IL1RAPL2: variants seen among roughly 807,000 people sequenced by gnomAD.
IL1RAPL2 encodes interleukin 1 receptor accessory protein like 2, also known as X-linked interleukin-1 receptor accessory protein-like 2.
IL1RAPL2 carries 3 observed loss-of-function variants against 44.1 expected under a neutral mutation model. The ratio of observed to expected loss-of-function variants is 0.07; its 90% confidence interval spans 0.03 to 0.18. The LOEUF (loss-of-function observed/expected upper bound fraction) is 0.18. IL1RAPL2 is among the 10% of genes least tolerant of loss of function. The pLI, the probability that IL1RAPL2 is intolerant of heterozygous loss-of-function variation, is 1.00. For missense variants in IL1RAPL2, 391 were observed against 496.4 expected, an observed-to-expected ratio of 0.79 and a Z score of 2.02; for synonymous variants, 181 against 178.8, an observed-to-expected ratio of 1.01 and a Z score of -0.10.
intron 2 of IL1RAPL2, among the ~76,000 whole-genome samples, chrX:105,190,921 A>G (rs782048329): frequency 8.9e-5 from 10 of 112,324 alleles, no homozygotes; most frequent in Admixed American, 9.4e-5. Context: ...AGGCTTATCT[A>G]TAAAGAGGCC....
chrX:105,010,131 GTAAA>G (rs750569126), intron 2 of IL1RAPL2, among the ~76,000 whole-genome samples: 6 of 111,186 alleles, frequency 5.4e-5, no homozygotes, highest in Non-Finnish European at 7.6e-5. Flanking sequence ...GGGCTCAAGA[GTAAA>G]TAAACAATTG....
intron 2 of IL1RAPL2, among the ~76,000 whole-genome samples, chrX:104,961,070 TAAAA>T (rs892993308): frequency 9.1e-6 from 1 of 110,238 alleles, no homozygotes; most frequent in African/African-American, 3.3e-5. Flanking sequence ...AGTAACAGAT[TAAAA>T]AAAAAGATAA....
intron 2 of IL1RAPL2, among the ~76,000 whole-genome samples, chrX:104,951,804 G>T (rs1381067670): frequency 8.9e-6 from 1 of 112,476 alleles, no homozygotes; most frequent in African/African-American, 3.2e-5. Flanking sequence ...GATTCAATAG[G>T]AAAGTGCATG....
At chrX:105,295,650 A>T (rs1056988322) in intron 5 of IL1RAPL2, among the ~76,000 whole-genome samples, 20 of 112,248 alleles carry the variant, frequency 1.8e-4, no homozygotes, top group African/African-American at 6.5e-4. Flanking sequence ...TAGAGTGATA[A>T]GAAAAAGTGT....
intron 2 of IL1RAPL2, among the ~76,000 whole-genome samples, chrX:104,762,813 T>A (rs1932487026): frequency 9.0e-6 from 1 of 111,335 alleles, no homozygotes; most frequent in African/African-American, 3.3e-5. Context: ...CTTGGTGGGA[T>A]GCAGGACACC....
chrX:105,373,556 A>G (rs988745301), intron 5 of IL1RAPL2, among the ~76,000 whole-genome samples: 28 of 111,307 alleles, frequency 2.5e-4, no homozygotes, highest in African/African-American at 9.2e-4. Context: ...CTTTTGGTGC[A>G]ATTACTTTTG....
intron 2 of IL1RAPL2, among the ~76,000 whole-genome samples, chrX:104,764,647 A>C (rs1049118849): frequency 4.5e-5 from 5 of 112,066 alleles, no homozygotes; most frequent in Non-Finnish European, 9.4e-5. Flanking sequence ...CTTAGAGGAA[A>C]GGCTTTCAGC....
At chrX:105,082,079 A>G (rs2032416346) in intron 2 of IL1RAPL2, among the ~76,000 whole-genome samples, 1 of 111,726 alleles carries the variant, frequency 9.0e-6, no homozygotes, top group South Asian at 3.7e-4. Context: ...CTTCTGGTAG[A>G]ATTCGGCTGT....
At chrX:105,028,145 A>G (rs748340408) in intron 2 of IL1RAPL2, among the ~76,000 whole-genome samples, 16 of 111,252 alleles carry the variant, frequency 1.4e-4, no homozygotes, top group Non-Finnish European at 2.6e-4. Context: ...ACTCATGGAC[A>G]TAGAGAGTAG....
At chrX:105,242,232 G>A (rs1044708957) in intron 4 of IL1RAPL2, among the ~76,000 whole-genome samples, 18 of 111,836 alleles carry the variant, frequency 1.6e-4, no homozygotes, top group African/African-American at 5.2e-4. Flanking sequence ...CCTAATATCC[G>A]ACCTGCCTAA....
chrX:105,409,547 G>A (rs2035677159), intron 5 of IL1RAPL2, among the ~76,000 whole-genome samples: 1 of 111,059 alleles, frequency 9.0e-6, no homozygotes, highest in African/African-American at 3.3e-5. Context: ...AACAACATAT[G>A]TGATGTGGTA....
chrX:105,203,810 T>C (rs1366277344), intron 3 of IL1RAPL2, among the ~76,000 whole-genome samples: 1 of 112,143 alleles, frequency 8.9e-6, no homozygotes, highest in Non-Finnish European at 1.9e-5. Context: ...ACTCTATCAG[T>C]TACTCTTTCA....
chrX:105,043,332 A>G (rs1169953058), intron 2 of IL1RAPL2, among the ~76,000 whole-genome samples: 1 of 110,715 alleles, frequency 9.0e-6, no homozygotes, highest in Non-Finnish European at 1.9e-5. Flanking sequence ...AACCACTCCA[A>G]GGACTGAGGG....
chrX:105,363,765 A>G (rs1185132482), intron 5 of IL1RAPL2, among the ~76,000 whole-genome samples: 1 of 110,670 alleles, frequency 9.0e-6, no homozygotes, highest in Admixed American at 9.7e-5. Flanking sequence ...ATATATATTT[A>G]GATCCTTTGC....
intron 6 of IL1RAPL2, among the ~76,000 whole-genome samples, chrX:105,670,446 C>T (rs1459079946): frequency 9.6e-6 from 1 of 104,324 alleles, no homozygotes; most frequent in Non-Finnish European, 2.0e-5. Flanking sequence ...ACTGCAGGAG[C>T]CCGCCACCGC....
At chrX:104,831,307 TATA>T (rs759818758) in intron 2 of IL1RAPL2, among the ~76,000 whole-genome samples, 7 of 111,658 alleles carry the variant, frequency 6.3e-5, no homozygotes, top group Non-Finnish European at 1.1e-4. Flanking sequence ...TTTAAGGAAA[TATA>T]ATATTTTAAA....
chrX:105,415,672 G>A (rs1038102715), intron 5 of IL1RAPL2, among the ~76,000 whole-genome samples: 5 of 111,380 alleles, frequency 4.5e-5, no homozygotes, highest in Non-Finnish European at 7.5e-5. Flanking sequence ...TCCTACTTAT[G>A]TGCCTTTTCT....
chrX:104,710,032 G>A (rs1461058396), intron 2 of IL1RAPL2, among the ~76,000 whole-genome samples: 1 of 111,261 alleles, frequency 9.0e-6, no homozygotes, highest in Non-Finnish European at 1.9e-5. Context: ...CTGCATTGCT[G>A]GTGGGGATGT....
chrX:104,704,432 G>A (rs1475315772), intron 2 of IL1RAPL2, among the ~76,000 whole-genome samples: 3 of 111,277 alleles, frequency 2.7e-5, no homozygotes, highest in African/African-American at 6.5e-5. Flanking sequence ...ACAGTGTTAC[G>A]AATGAATAAA....
Sources: gnomAD v4.1 joint callset for allele counts (sites outside exome capture counted in the v4.1 genomes callset) on GRCh38, gnomAD v4.1.1 for gene constraint, MANE v1.5 for transcripts, NCBI Gene and HGNC (gene_info 2026-07-23, HGNC 2026-07-21) for gene names.